The following GRM7 variants were observed in gnomAD, a reference collection of about 807,000 sequenced individuals.
GRM7 encodes the protein glutamate metabotropic receptor 7.
GRM7 carries 35 observed loss-of-function variants against 84.5 expected under a neutral mutation model. The ratio of observed to expected loss-of-function variants is 0.41; its 90% confidence interval spans 0.32 to 0.55. The LOEUF is 0.55. Among genes scored for constraint, GRM7 ranks in the 20% least tolerant of loss-of-function variants. GRM7 has a pLI of 0.19. For synonymous variants in GRM7, 487 were observed against 455.1 expected (o/e 1.07, Z -0.89); for missense variants, 1,003 against 1,194.6 (o/e 0.84, Z 2.36).
rs376050662 is a variant in GRM7, at chr3:7,665,417, C to T, written c.2452-14632C>T. On this transcript the variant is annotated intron_variant, in intron 8 of 9. Coordinates refer to ENST00000357716, the MANE Select transcript of GRM7 (RefSeq NM_000844.4). ...GTCTCGATCTCCTGACCTCGTGATC[C>T]ACCCGCCTCGGCCTCCCAAAGTGCT... Among the ~76,000 whole-genome samples the T allele has an allele frequency of 2.8e-3, 424 of 152,090 alleles. 7 individuals carry two copies. Among genetic ancestry groups the T allele is most frequent in the Middle Eastern group, 0.017 (5 of 294 alleles).
At chr3:7,351,961 A>T (rs1274620463) in intron 4 of GRM7, among the ~76,000 whole-genome samples, 2 of 150,826 alleles carry the variant, frequency 1.3e-5, no homozygotes, top group African/African-American at 2.4e-5. Context: ...CTATCATGGG[A>T]CTTTGCTTTT....
chr3:7,023,760 A>C (rs551016607), intron 1 of GRM7, among the ~76,000 whole-genome samples: 1 of 152,180 alleles, frequency 6.6e-6, no homozygotes, highest in Non-Finnish European at 1.5e-5. Context: ...ACCCATCTTA[A>C]TTACCTCTGT....
chr3:7,422,394 A>C (rs909108245), intron 5 of GRM7, among the ~76,000 whole-genome samples: 2 of 152,214 alleles, frequency 1.3e-5, no homozygotes, highest in African/African-American at 4.8e-5. Flanking sequence ...TGACTAATGC[A>C]ACTAAGGAGC....
intron 4 of GRM7, among the ~76,000 whole-genome samples, chr3:7,320,329 AC>A (rs1040704426): frequency 1.3e-5 from 2 of 152,028 alleles, no homozygotes; most frequent in Non-Finnish European, 2.9e-5. Flanking sequence ...AGCGATGAAA[AC>A]CAAAAGAAAA....
At chr3:7,365,684 CACAT>C (rs1385726278) in intron 4 of GRM7, among the ~76,000 whole-genome samples, 9 of 146,776 alleles carry the variant, frequency 6.1e-5, no homozygotes, top group Non-Finnish European at 9.0e-5. Flanking sequence ...CACACACACA[CACAT>C]ATATATACAC....
At chr3:7,080,628 A>G (rs567230455) in intron 1 of GRM7, among the ~76,000 whole-genome samples, 1 of 152,100 alleles carries the variant, frequency 6.6e-6, no homozygotes, top group African/African-American at 2.4e-5. Context: ...ACACAAGTAG[A>G]CATATATGTA....
At chr3:7,049,218 C>T (rs1174716656) in intron 1 of GRM7, among the ~76,000 whole-genome samples, 2 of 151,904 alleles carry the variant, frequency 1.3e-5, no homozygotes, top group Non-Finnish European at 2.9e-5. Flanking sequence ...GCACGTTGTA[C>T]TGGTCTATTC....
chr3:7,558,148 C>T (rs920312703), intron 7 of GRM7, among the ~76,000 whole-genome samples: 1 of 152,042 alleles, frequency 6.6e-6, no homozygotes, highest in Non-Finnish European at 1.5e-5. Context: ...CTCTTGAAAT[C>T]TTATAAGATG....
At chr3:7,361,010 C>T (rs115648061) in intron 4 of GRM7, among the ~76,000 whole-genome samples, 1 of 152,108 alleles carries the variant, frequency 6.6e-6, no homozygotes, top group South Asian at 2.1e-4. Flanking sequence ...GAACTGATGC[C>T]TAATTCCAAA....
chr3:7,316,302 C>T (rs553861500), intron 4 of GRM7, among the ~76,000 whole-genome samples: 1 of 152,070 alleles, frequency 6.6e-6, no homozygotes, highest in African/African-American at 2.4e-5. Context: ...GGTTTGAGCA[C>T]AGGAATAACC....
Position 7,561,557 on chromosome 3 carries a change from G to A in GRM7, c.1516-16865G>A, listed in dbSNP as rs143809728. 6.7e-4 allele frequency: 305 copies of A among 456,542 alleles called. 3 individuals are homozygous for A. Among genetic ancestry groups the A allele is most frequent in the Admixed American group, 5.3e-3 (224 of 42,574 alleles). The allele number at this position is 456,542 out of a possible 1,614,324, so 28.3% of individuals were successfully genotyped here. A position where few individuals can be genotyped will look rare whatever the true frequency, so the allele number is the denominator to read the frequency against. On this transcript the variant is annotated intron_variant, in intron 7 of 9. Coordinates refer to ENST00000357716, the MANE Select transcript of GRM7 (RefSeq NM_000844.4). ...GCATGGAAAGTCCTTCCAGGACATC[G>A]TAGTACCCTTAGTAGTGTAAGCATA...
chr3:6,923,125 C>A (rs1190356475), intron 1 of GRM7, among the ~76,000 whole-genome samples: 1 of 152,080 alleles, frequency 6.6e-6, no homozygotes, highest in Admixed American at 6.5e-5. Context: ...AGCGATTCTC[C>A]CACCTCAGCT....
intron 1 of GRM7, among the ~76,000 whole-genome samples, chr3:6,978,975 C>G (rs1694098267): frequency 6.6e-6 from 1 of 152,042 alleles, no homozygotes; most frequent in Non-Finnish European, 1.5e-5. Context: ...AAAGAAGTGG[C>G]TGGGAGAGTG....
At chr3:7,476,445 G>T (rs951177896) in intron 7 of GRM7, among the ~76,000 whole-genome samples, 1 of 152,108 alleles carries the variant, frequency 6.6e-6, no homozygotes, top group African/African-American at 2.4e-5. Flanking sequence ...TACTTGGGAG[G>T]CCAAGGCAGG....
chr3:7,460,675 C>T (rs1698209706), intron 6 of GRM7, among the ~76,000 whole-genome samples: 1 of 152,094 alleles, frequency 6.6e-6, no homozygotes, highest in Non-Finnish European at 1.5e-5. Context: ...ATAAACAGAA[C>T]TCAGTTACTG....
intron 9 of GRM7, among the ~76,000 whole-genome samples, chr3:7,712,721 T>A (rs1350984814): frequency 6.6e-6 from 1 of 152,182 alleles, no homozygotes; most frequent in Non-Finnish European, 1.5e-5. Flanking sequence ...AAGTGTATAA[T>A]CCTGGCCTAT....
intron 9 of GRM7, among the ~76,000 whole-genome samples, chr3:7,739,412 A>C (rs539644301): frequency 6.6e-6 from 1 of 152,336 alleles, no homozygotes; most frequent in East Asian, 1.9e-4. Flanking sequence ...TAAAAACAGT[A>C]AGCAAAATAA....
chr3:7,303,354 G>C (rs887854128), intron 3 of GRM7, among the ~76,000 whole-genome samples: 3 of 152,100 alleles, frequency 2.0e-5, no homozygotes, highest in African/African-American at 7.2e-5. Flanking sequence ...TCCTGGTTCT[G>C]TTCTCTTTTG....
At chr3:7,147,084 T>TGAA (rs1281291485) in intron 2 of GRM7, among the ~76,000 whole-genome samples, 7 of 152,180 alleles carry the variant, frequency 4.6e-5, no homozygotes, top group African/African-American at 1.7e-4. Flanking sequence ...AACTTTGATT[T>TGAA]GAAGAATACC....
Sources: gnomAD v4.1 joint callset for allele counts (sites outside exome capture counted in the v4.1 genomes callset) on GRCh38, gnomAD v4.1.1 for gene constraint, MANE v1.5 for transcripts, NCBI Gene and HGNC (gene_info 2026-07-23, HGNC 2026-07-21) for gene names.